Variants in LRMDA observed in about 807,000 individuals in gnomAD.
LRMDA encodes leucine-rich melanocyte differentiation-associated protein.
Under a neutral mutation model 29.8 loss-of-function variants are expected in LRMDA, and 18 were observed. That is an observed-to-expected ratio of 0.60 (90% CI 0.42 to 0.90). The LOEUF is 0.90. Ranked by LOEUF, LRMDA falls within the 40% of genes least tolerant of loss-of-function variation. The pLI is 0.00. For missense variants in LRMDA, 273 were observed against 273.9 expected, an observed-to-expected ratio of 1.00 and a Z score of 0.02; for synonymous variants, 125 against 109.4, an observed-to-expected ratio of 1.14 and a Z score of -0.89.
At chr10:75,800,604 G>A (rs1460969986) in intron 2 of LRMDA, among the ~76,000 whole-genome samples, 1 of 151,920 alleles carries the variant, frequency 6.6e-6, no homozygotes, top group African/African-American at 2.4e-5. Flanking sequence ...TTTGTTTGAT[G>A]CTTTTTTGTA....
intron 2 of LRMDA, among the ~76,000 whole-genome samples, chr10:75,644,052 A>T (rs1194691056): frequency 4.6e-5 from 7 of 152,234 alleles, no homozygotes; most frequent in Non-Finnish European, 1.0e-4. Flanking sequence ...GAGACATGGG[A>T]TTCAGGATTA....
At chr10:76,521,097 C>CT (rs1161896003) in intron 6 of LRMDA, among the ~76,000 whole-genome samples, 3 of 150,558 alleles carry the variant, frequency 2.0e-5, no homozygotes, top group Non-Finnish European at 4.4e-5. Context: ...TGGTTTCATG[C>CT]TTTTCTCTGT....
chr10:76,135,854 G>T (rs758202999), intron 5 of LRMDA, among the ~76,000 whole-genome samples: 4 of 151,556 alleles, frequency 2.6e-5, no homozygotes, highest in Admixed American at 6.6e-5. Flanking sequence ...ATCTGCAAAG[G>T]CCCTATTTCC....
intron 2 of LRMDA, among the ~76,000 whole-genome samples, chr10:75,453,730 T>G (rs1302751007): frequency 6.6e-6 from 1 of 152,128 alleles, no homozygotes; most frequent in African/African-American, 2.4e-5. Flanking sequence ...GGATGGGGTG[T>G]GTTAAGAGCT....
intron 6 of LRMDA, among the ~76,000 whole-genome samples, chr10:76,541,399 G>A (rs951676320): frequency 2.0e-5 from 3 of 152,176 alleles, no homozygotes; most frequent in African/African-American, 7.2e-5. Context: ...TACTTGGGAG[G>A]CCAAGGCAGG....
intron 2 of LRMDA, among the ~76,000 whole-genome samples, chr10:75,651,230 T>C (rs538115362): frequency 6.6e-6 from 1 of 152,212 alleles, no homozygotes; most frequent in Non-Finnish European, 1.5e-5. Flanking sequence ...CAATCATGTA[T>C]ACCTCATCTA....
chr10:75,909,902 C>T (rs1445589638), intron 2 of LRMDA, among the ~76,000 whole-genome samples: 3 of 152,124 alleles, frequency 2.0e-5, no homozygotes, highest in Non-Finnish European at 4.4e-5. Flanking sequence ...ATGCTGGAAA[C>T]GACTTCAATG....
chr10:76,090,944 T>C (rs965950429), intron 5 of LRMDA, among the ~76,000 whole-genome samples: 2 of 152,228 alleles, frequency 1.3e-5, no homozygotes, highest in African/African-American at 4.8e-5. Flanking sequence ...TATTTACCAC[T>C]ACTGAGCTAT....
At chr10:75,753,912 G>C (rs1338882568) in intron 2 of LRMDA, among the ~76,000 whole-genome samples, 1 of 152,170 alleles carries the variant, frequency 6.6e-6, no homozygotes, top group Non-Finnish European at 1.5e-5. Context: ...GATTCAGGCT[G>C]TATTTTTAAG....
At chr10:75,543,118 G>A (rs969994126) in intron 2 of LRMDA, among the ~76,000 whole-genome samples, 2 of 152,204 alleles carry the variant, frequency 1.3e-5, no homozygotes, top group Non-Finnish European at 2.9e-5. Flanking sequence ...GTAATTGCAA[G>A]CAGAGGCTGC....
intron 2 of LRMDA, among the ~76,000 whole-genome samples, chr10:75,836,966 G>A (rs1350557272): frequency 6.6e-6 from 1 of 152,128 alleles, no homozygotes; most frequent in Non-Finnish European, 1.5e-5. Context: ...CTTAATATGT[G>A]TAGAAAGAAT....
rs557301438 is a variant in LRMDA at position 76,415,875 on chromosome 10, T to C, written c.601+91390T>C. On this transcript the variant is annotated intron_variant, in intron 6 of 6. Coordinates refer to ENST00000611255, the MANE Select transcript of LRMDA (RefSeq NM_001305581.2). ...CTCCATGTCTTGTTCTCCTCGCTGC[T>C]TCTTGAGGAATCCTAAATCCAGCTG... is the stretch of plus-strand genomic sequence containing the variant. Among the ~76,000 whole-genome samples the C allele has an allele frequency of 2.0e-5, 3 of 152,328 alleles. No individual in the cohort carries two copies. In the South Asian group the frequency reaches 6.2e-4, roughly 32 times the overall value.
intron 5 of LRMDA, among the ~76,000 whole-genome samples, chr10:76,205,154 C>T (rs1280132267): frequency 6.6e-6 from 1 of 152,174 alleles, no homozygotes; most frequent in African/African-American, 2.4e-5. Flanking sequence ...GCCACTTCTT[C>T]CTAAGTAACT....
At position 76,430,720 on chromosome 10, in the gene LRMDA, AG is replaced by A. The variant is rs1386874812; in HGVS notation, c.601+106238del. Among the ~76,000 whole-genome samples, 5 of 152,316 alleles carry A rather than the reference AG, an allele frequency of 3.3e-5. No homozygotes were observed. The East Asian group carries it at 9.6e-4, about 29-fold the overall frequency. ...CAAATGTAAGTAAATAAATAACCTA[AG>A]GGAGCTAGAATGTTCAGAGGAAATG... On this transcript the variant is annotated intron_variant, in intron 6 of 6. Transcript: ENST00000611255.
chr10:75,440,050 A>T (rs1365216122), intron 2 of LRMDA, among the ~76,000 whole-genome samples: 1 of 151,512 alleles, frequency 6.6e-6, no homozygotes, highest in Non-Finnish European at 1.5e-5. Context: ...CATGTGGATC[A>T]TGGGACTGGG....
intron 5 of LRMDA, among the ~76,000 whole-genome samples, chr10:76,133,420 C>T (rs1017851529): frequency 6.6e-6 from 1 of 152,024 alleles, no homozygotes; most frequent in Non-Finnish European, 1.5e-5. Flanking sequence ...AAGAAAGTTT[C>T]CCTGCACCTC....
At chr10:76,048,226 A>G (rs1356959335) in intron 4 of LRMDA, among the ~76,000 whole-genome samples, 1 of 152,172 alleles carries the variant, frequency 6.6e-6, no homozygotes, top group Non-Finnish European at 1.5e-5. Context: ...CTATATGTAT[A>G]TGTATGTGTA....
chr10:75,871,159 C>T (rs954601241), intron 2 of LRMDA, among the ~76,000 whole-genome samples: 3 of 152,212 alleles, frequency 2.0e-5, no homozygotes, highest in African/African-American at 7.2e-5. Context: ...CAGGCTGCCA[C>T]CTGACTCTAG....
intron 6 of LRMDA, among the ~76,000 whole-genome samples, chr10:76,352,533 C>A (rs1260488814): frequency 1.3e-5 from 2 of 151,980 alleles, no homozygotes; most frequent in Non-Finnish European, 2.9e-5. Context: ...CAGGATGGAA[C>A]AGGATGGTGT....
Sources: allele counts gnomAD v4.1 joint callset (sites outside exome capture counted in the v4.1 genomes callset), GRCh38; gene constraint gnomAD v4.1.1; transcripts MANE v1.5; gene names NCBI Gene and HGNC (gene_info 2026-07-23, HGNC 2026-07-21).